JAKMIP3: variants seen among roughly 807,000 people sequenced by gnomAD.
JAKMIP3 encodes the protein janus kinase and microtubule-interacting protein 3.
In JAKMIP3, 58 loss-of-function variants were observed where a neutral mutation model predicts 118.5. The observed-to-expected ratio is 0.49, with a 90% confidence interval of 0.40 to 0.61. JAKMIP3 has a LOEUF of 0.61. JAKMIP3 is among the 20% of genes least tolerant of loss of function. JAKMIP3 has a pLI of 0.00. For missense variants in JAKMIP3, 950 were observed against 1,109.0 expected, an observed-to-expected ratio of 0.86 and a Z score of 2.04; for synonymous variants, 486 against 451.2, an observed-to-expected ratio of 1.08 and a Z score of -0.98.
chr10:132,104,521 G>T, intron 1 of JAKMIP3, 151 bp from the exon 2 acceptor site: 2 of 410,876 alleles, frequency 4.9e-6, no homozygotes, highest in East Asian at 4.2e-5. Flanking sequence ...GAGGTCTGGG[G>T]CTGGTTCCCT....
chr10:132,048,156 T>A (rs1042111076), intron 1 of JAKMIP3, among the ~76,000 whole-genome samples: 1 of 152,232 alleles, frequency 6.6e-6, no homozygotes, highest in Non-Finnish European at 1.5e-5. Context: ...GAGGGCGATG[T>A]TGCTGGACCA....
At chr10:132,065,161 C>T (rs866741325), upstream of JAKMIP3, among the ~76,000 whole-genome samples, 2 of 152,088 alleles carry the variant, frequency 1.3e-5, no homozygotes, top group South Asian at 2.1e-4. The surrounding 1 kb of genome is among the most constrained non-coding windows in gnomAD (Gnocchi z 5.6). Flanking sequence ...TTGATGGAAT[C>T]GGACCCAGAT....
chr10:132,163,181 G>A, intron 19 of JAKMIP3, 28 bp from the exon 20 acceptor site: 1 of 1,544,170 alleles, frequency 6.5e-7, no homozygotes, highest in Non-Finnish European at 8.8e-7. Context: ...AGAAGGCAAG[G>A]ACTAAGGCGT....
chr10:132,146,718 G>A (rs989831790), intron 13 of JAKMIP3, among the ~76,000 whole-genome samples: 56 of 152,320 alleles, frequency 3.7e-4, no homozygotes, highest in Middle Eastern at 3.4e-3. Context: ...ACTGCTGCCA[G>A]CCCAGGGCTG....
rs992865170 is a variant in JAKMIP3, at chr10:132,137,118, G to A, written c.1216G>A (p.Glu406Lys). 2 of 1,613,932 alleles carry A rather than the reference G, an allele frequency of 1.2e-6. No homozygotes were observed. The highest frequency in any genetic ancestry group is 1.7e-6 in the Non-Finnish European group (2 of 1,179,870). ...CGATTTCTTGAAGCTTCAGATTGTG[G>A]AGCAGCAAAACCTCATAGATGAACT... Reference protein sequence around the residue: ...EVDFLKLQIVEQQNLIDELSK... With the variant: ...EVDFLKLQIVKQQNLIDELSK... Residue 406 changes from glutamate to lysine, a missense_variant, in exon 7 of 24, where the codon GAG becomes AAG. Coordinates refer to ENST00000684848, the MANE Select transcript of JAKMIP3 (RefSeq NM_001323087.2).
chr10:132,088,167 TATGTGTGC>T (rs1202687447), intron 1 of JAKMIP3, among the ~76,000 whole-genome samples: 1 of 152,100 alleles, frequency 6.6e-6, no homozygotes, highest in East Asian at 1.9e-4. Context: ...GCAGTAAACA[TATGTGTGC>T]ATGTGTCTTT....
At position 132,180,768 on chromosome 10, in the gene JAKMIP3, T is replaced by TGCGCGCGTGTGC. The variant is rs1446060656; in HGVS notation, c.*1104-1586_*1104-1585insCGCGTGTGCGCG. Reference sequence around the variant, plus strand: ...GTGCGCGCGCGTGTGTGCGTGTGTGTGCGTGTGTGTGTGTGCGCGTATGCA... The same window carrying TGCGCGCGTGTGC: ...GTGCGCGCGCGTGTGTGCGTGTGTGTGCGCGCGTGTGCGCGTGTGTGTGTGTGCGCGTATGCA... On this transcript the variant is annotated intron_variant, in intron 23 of 23. Transcript: ENST00000684848. 2.5e-4 allele frequency among the ~76,000 whole-genome samples: 8 copies of TGCGCGCGTGTGC among 32,506 alleles called. 2 individuals carry two copies. Among genetic ancestry groups the TGCGCGCGTGTGC allele is most frequent in the Non-Finnish European group, 3.5e-4 (6 of 16,912 alleles). 21.3% of individuals were successfully genotyped at this position (32,506 alleles called of 152,430 possible).
intron 14 of JAKMIP3, among the ~76,000 whole-genome samples, chr10:132,148,763 C>CT (rs2055202444): frequency 6.6e-6 from 1 of 152,232 alleles, no homozygotes; most frequent in South Asian, 2.1e-4. Flanking sequence ...AGCCACGTCG[C>CT]TGTGATTGTT....
At chr10:132,131,770 G>A (rs531076732) in intron 3 of JAKMIP3, among the ~76,000 whole-genome samples, 2 of 152,102 alleles carry the variant, frequency 1.3e-5, no homozygotes, top group East Asian at 3.9e-4. Context: ...CTCTCAGTCC[G>A]GAACCCGCTG....
At chr10:132,079,653 T>C (rs148569440) in intron 1 of JAKMIP3, among the ~76,000 whole-genome samples, 230 of 152,386 alleles carry the variant, frequency 1.5e-3, no homozygotes, top group African/African-American at 5.3e-3. Flanking sequence ...ACTTCAGTAG[T>C]GTGAAGTATA....
intron 9 of JAKMIP3, among the ~76,000 whole-genome samples, chr10:132,139,745 G>A (rs373979828): frequency 7.9e-5 from 12 of 152,336 alleles, no homozygotes; most frequent in African/African-American, 2.6e-4. Flanking sequence ...AGTGGTTGGC[G>A]GGGAGTAGGG....
At position 132,139,068 on chromosome 10, in the gene JAKMIP3, GTA is replaced by G. The variant is rs1491224353; in HGVS notation, c.1344+892_1344+893del. 4.4e-3 allele frequency among the ~76,000 whole-genome samples: 643 copies of G among 146,014 alleles called. 4 individuals are homozygous for G. Among genetic ancestry groups the G allele is most frequent in the East Asian group, 0.014 (66 of 4,794 alleles). On this transcript the variant is annotated intron_variant, in intron 9 of 23. Transcript: ENST00000684848. The stretch of plus-strand genomic sequence containing the variant: ...ATGTTGAGTGTGTGTGTGTGTGTGT[GTA>G]TGTGTATGTGTGTGTGAGTGCGTGT...
chr10:132,132,533 C>G (rs2050837793), intron 3 of JAKMIP3, among the ~76,000 whole-genome samples: 1 of 147,830 alleles, frequency 6.8e-6, no homozygotes, highest in Non-Finnish European at 1.5e-5. Context: ...ATAGGTTGAG[C>G]ACAAAGCGCC....
At chr10:132,143,452 T>C (rs1240483147) in intron 11 of JAKMIP3, among the ~76,000 whole-genome samples, 2 of 152,134 alleles carry the variant, frequency 1.3e-5, no homozygotes, top group Non-Finnish European at 2.9e-5. Flanking sequence ...CCCTTTTTCC[T>C]GTCGGGTGCC....
chr10:132,123,039 G>A lies in JAKMIP3; in HGVS notation c.633+5465G>A, dbSNP rs530002168. Among the ~76,000 whole-genome samples the A allele has an allele frequency of 9.2e-5, 14 of 152,308 alleles. No individual in the cohort carries two copies. The Middle Eastern group carries it at 0.01, about 111-fold the overall frequency. ...CGGAAGGCTCCGGAGCCAAATCCTC[G>A]TCTGCGCATGGCCCACTCTGTGCTC... On this transcript the variant is annotated intron_variant, in intron 3 of 23. Coordinates refer to ENST00000684848, the MANE Select transcript of JAKMIP3 (RefSeq NM_001323087.2).
At position 132,131,884 on chromosome 10, in the gene JAKMIP3, C is replaced by G. The variant is rs184665043; in HGVS notation, c.634-1428C>G. ...ATGGGAAGAAGTGCAGGGTGGGGTG[C>G]GGCGCCTGCACAGGCATGGGAAGCC... On this transcript the variant is annotated intron_variant, in intron 3 of 23. Transcript: ENST00000684848. Among the ~76,000 whole-genome samples the G allele has an allele frequency of 1.9e-3, 287 of 152,232 alleles. 3 individuals are homozygous for G. The highest frequency in any genetic ancestry group is 6.7e-3 in the African/African-American group (278 of 41,536).
chr10:132,168,591 C>T lies in JAKMIP3; in HGVS notation c.*661C>T, dbSNP rs775496553. The stretch of plus-strand genomic sequence containing the variant: ...CATCTCTGTGGGGACAGACAAGAGC[C>T]GTGGCCGCCGCGGGCCGCGTGGTGC... On this transcript the variant is annotated 3_prime_UTR_variant, in exon 23 of 24. Transcript: ENST00000684848. The T allele has an allele frequency of 1.1e-5, 4 of 364,436 alleles. No individual in the cohort carries two copies. Among genetic ancestry groups the T allele is most frequent in the East Asian group, 1.6e-4 (2 of 12,382 alleles). The allele number at this position is 364,436 out of a possible 1,614,324, so 22.6% of individuals were successfully genotyped here.
chr10:132,047,743 T>C (rs2037962044), intron 1 of JAKMIP3, among the ~76,000 whole-genome samples: 1 of 110,512 alleles, frequency 9.0e-6, no homozygotes. Context: ...CCACGAGCTT[T>C]CAGTGCACAG....
intron 1 of JAKMIP3, among the ~76,000 whole-genome samples, chr10:132,088,180 G>A (rs1323547961): frequency 1.3e-5 from 2 of 152,032 alleles, no homozygotes; most frequent in African/African-American, 4.8e-5. Context: ...GTGTGCATGT[G>A]TCTTTATAGC....
Sources: allele counts gnomAD v4.1 joint callset (sites outside exome capture counted in the v4.1 genomes callset), GRCh38; gene constraint gnomAD v4.1.1; non-coding constraint Gnocchi (gnomAD v3.1); transcripts MANE v1.5; gene names NCBI Gene and HGNC (gene_info 2026-07-23, HGNC 2026-07-21).